The following GAS7 variants were observed in gnomAD, a reference collection of about 807,000 sequenced individuals.
GAS7 encodes growth arrest specific 7, also known as growth arrest-specific protein 7.
GAS7 carries 28 observed loss-of-function variants against 71.1 expected under a neutral mutation model. The observed-to-expected ratio is 0.39, with a 90% CI of 0.29 to 0.54. The LOEUF is 0.54. Among genes scored for constraint, GAS7 ranks in the 20% least tolerant of loss-of-function variants. The probability of loss-of-function intolerance (pLI) is 0.62; values close to 1 mark genes in which losing one functional copy is unlikely to be tolerated. For missense variants in GAS7, 436 were observed against 627.8 expected, an observed-to-expected ratio of 0.69 and a Z score of 3.27; for synonymous variants, 258 against 245.8, an observed-to-expected ratio of 1.05 and a Z score of -0.46.
chr17:10,060,096 A>G (rs7216650), intron 1 of GAS7, among the ~76,000 whole-genome samples: 43,640 of 152,062 alleles, frequency 0.29, 8,893 homozygotes, highest in African/African-American at 0.59. Context: ...GAGTGGACCC[A>G]AGGCCAAGAC....
chr17:9,938,821 T>C (rs2068495016), intron 8 of GAS7, among the ~76,000 whole-genome samples: 1 of 152,214 alleles, frequency 6.6e-6, no homozygotes, highest in Admixed American at 6.5e-5. Flanking sequence ...CCACTTTCTG[T>C]TTCCATGGGT....
At chr17:10,116,330 T>C (rs1005350167) in intron 1 of GAS7, among the ~76,000 whole-genome samples, 6 of 151,412 alleles carry the variant, frequency 4.0e-5, no homozygotes, top group Admixed American at 3.3e-4. Context: ...AAAAAAAATG[T>C]TGGGTTTAGA....
intron 1 of GAS7, among the ~76,000 whole-genome samples, chr17:10,024,649 G>A (rs965152344): frequency 1.3e-5 from 2 of 152,334 alleles, no homozygotes; most frequent in Middle Eastern, 3.4e-3. Flanking sequence ...TGGCCAGATT[G>A]CAAGGACAGG....
chr17:10,189,940 C>CA lies in GAS7; in HGVS notation c.183+8267dup, dbSNP rs776083493. Among the ~76,000 whole-genome samples the CA allele has an allele frequency of 1.8e-3, 232 of 129,940 alleles. 1 individual carries two copies. Among genetic ancestry groups the CA allele is most frequent in the Admixed American group, 2.0e-3 (26 of 12,770 alleles). 85.2% of individuals were successfully genotyped at this position (129,940 alleles called of 152,430 possible). A position where few individuals can be genotyped will look rare whatever the true frequency, so the allele number is the denominator to read the frequency against. Reference sequence around the variant, plus strand: ...GGCAACAGAGCAAGATTCCATCTCCCAAAAAAAAAAAAAAGTTGAAAACAA... The same window carrying CA: ...GGCAACAGAGCAAGATTCCATCTCCCAAAAAAAAAAAAAAAGTTGAAAACAA... On this transcript the variant is annotated intron_variant, in intron 1 of 13. Coordinates refer to ENST00000432992, the MANE Select transcript of GAS7 (RefSeq NM_201433.2).
intron 1 of GAS7, among the ~76,000 whole-genome samples, chr17:10,112,165 G>GA (rs1029782478): frequency 6.6e-6 from 1 of 152,182 alleles, no homozygotes; most frequent in Non-Finnish European, 1.5e-5. Context: ...CCCTGACTTA[G>GA]AAAAGCCTGG....
chr17:9,963,123 C>A (rs1165829171), intron 4 of GAS7, among the ~76,000 whole-genome samples: 1 of 151,636 alleles, frequency 6.6e-6, no homozygotes, highest in African/African-American at 2.4e-5. Flanking sequence ...AACGTTCTAT[C>A]CATACGACAG....
intron 1 of GAS7, among the ~76,000 whole-genome samples, chr17:10,190,285 G>C (rs866560421): frequency 6.6e-6 from 1 of 152,112 alleles, no homozygotes; most frequent in Admixed American, 6.5e-5. Context: ...GAAGGAGAAG[G>C]CTTTAAGAAA....
In GAS7 at chr17:9,926,957, G is replaced by C. The variant is rs1000147989; in HGVS notation, c.886-188C>G. The C allele has an allele frequency of 6.8e-5, 41 of 607,286 alleles. No homozygotes were observed. Among genetic ancestry groups the C allele is most frequent in the Admixed American group, 3.8e-4 (14 of 36,924 alleles). The allele number at this position is 607,286 out of a possible 1,614,324, so 37.6% of individuals were successfully genotyped here. A position where few individuals can be genotyped will look rare whatever the true frequency, so the allele number is the denominator to read the frequency against. On this transcript the variant is annotated intron_variant, in intron 9 of 13. Transcript: ENST00000432992. The surrounding 1 kb of genome is among the most constrained non-coding windows in gnomAD (Gnocchi z 5.0). ...TGCCTATCAGGTCTCAGCTTAGGCAGGTCACCTTAGCTCAGGAGGCCCCCA... is the reference window on the plus strand; with the variant it reads ...TGCCTATCAGGTCTCAGCTTAGGCACGTCACCTTAGCTCAGGAGGCCCCCA...
intron 8 of GAS7, among the ~76,000 whole-genome samples, chr17:9,937,233 GTGTT>G (rs1190308109): frequency 3.9e-5 from 6 of 152,240 alleles, no homozygotes; most frequent in African/African-American, 1.4e-4. Context: ...GTTTGTCTCT[GTGTT>G]TGTCCGGGCA....
chr17:10,004,522 C>G (rs111580572), intron 2 of GAS7, among the ~76,000 whole-genome samples: 12 of 152,262 alleles, frequency 7.9e-5, no homozygotes, highest in African/African-American at 2.9e-4. Flanking sequence ...ACACAAGCCC[C>G]AGAATGGCAG....
At chr17:10,173,931 G>A (rs543938219) in intron 1 of GAS7, among the ~76,000 whole-genome samples, 1 of 152,180 alleles carries the variant, frequency 6.6e-6, no homozygotes, top group Non-Finnish European at 1.5e-5. Flanking sequence ...AGACGGTGGA[G>A]GGATGAAGCT....
intron 8 of GAS7, 56 bp downstream of exon 8, chr17:9,940,070 C>T (rs1400743175): frequency 3.1e-6 from 3 of 969,830 alleles, no homozygotes; most frequent in Non-Finnish European, 5.1e-6. Flanking sequence ...TGGCTGATTT[C>T]CCTTCCTCAG....
At chr17:10,005,128 A>AGCATGTGTGCGCGCACGCATGCAT (rs1444357526) in intron 2 of GAS7, among the ~76,000 whole-genome samples, 189 of 106,430 alleles carry the variant, frequency 1.8e-3, no homozygotes, top group Non-Finnish European at 2.1e-3. Flanking sequence ...CACGCATACC[A>AGCATGTGTGCGCGCACGCATGCAT]GCATGTGTGC....
At chr17:10,094,868 G>A (rs1488251251) in intron 1 of GAS7, among the ~76,000 whole-genome samples, 2 of 152,180 alleles carry the variant, frequency 1.3e-5, no homozygotes, top group South Asian at 2.1e-4. Flanking sequence ...CATTCAGGCA[G>A]AGCAAGAAGA....
chr17:9,972,282 G>C (rs566522867), intron 3 of GAS7, among the ~76,000 whole-genome samples: 1 of 152,320 alleles, frequency 6.6e-6, no homozygotes, highest in South Asian at 2.1e-4. Context: ...ACAGCATCAG[G>C]GAAAATGCTG....
At chr17:10,159,098 T>TATATATATATATATATATATATATA (rs1555538321) in intron 1 of GAS7, among the ~76,000 whole-genome samples, 1 of 45,512 alleles carries the variant, frequency 2.2e-5, no homozygotes, top group Admixed American at 2.2e-4. Flanking sequence ...ATATATATAT[T>TATATATATATATATATATATATATA]AAAGATAACA....
chr17:10,141,619 A>C (rs575973105), intron 1 of GAS7, among the ~76,000 whole-genome samples: 1 of 152,128 alleles, frequency 6.6e-6, no homozygotes, highest in African/African-American at 2.4e-5. Flanking sequence ...AGGCCCAACA[A>C]GGCAGCATCA....
chr17:10,102,118 A>T (rs576175115), intron 1 of GAS7, among the ~76,000 whole-genome samples: 138 of 152,004 alleles, frequency 9.1e-4, no homozygotes, highest in African/African-American at 2.9e-3. Flanking sequence ...CAAGGAAGAA[A>T]ACAAACCAGA....
rs866702906 is a variant in GAS7 at position 9,929,263 on chromosome 17, T to C, written c.886-2494A>G. On this transcript the variant is annotated intron_variant, in intron 9 of 13. Transcript: ENST00000432992. The stretch of plus-strand genomic sequence containing the variant: ...GGCTTTAATACGCCCAGGAATGACC[T>C]GAAGAGTTTTCAACATTAAGGTTTC... 2.0e-5 allele frequency among the ~76,000 whole-genome samples: 3 copies of C among 152,236 alleles called. No homozygotes were observed. The Middle Eastern group carries it at 0.01, about 518-fold the overall frequency.
Sources: allele counts gnomAD v4.1 joint callset (sites outside exome capture counted in the v4.1 genomes callset), GRCh38; gene constraint gnomAD v4.1.1; non-coding constraint Gnocchi (gnomAD v3.1); transcripts MANE v1.5; gene names NCBI Gene and HGNC (gene_info 2026-07-23, HGNC 2026-07-21).